The following DYNC2I2 variants were observed in gnomAD, a reference collection of about 807,000 sequenced individuals.
DYNC2I2 encodes the protein dynein 2 intermediate chain 2.
DYNC2I2 carries 39 observed loss-of-function variants against 52.0 expected under a neutral mutation model. The ratio of observed to expected loss-of-function variants is 0.75; its 90% CI spans 0.58 to 0.98. The LOEUF (loss-of-function observed/expected upper bound fraction) is 0.98. DYNC2I2 is among the 50% of genes least tolerant of loss of function. DYNC2I2 has a pLI of 0.00. For synonymous variants in DYNC2I2, 359 were observed against 321.1 expected, an observed-to-expected ratio of 1.12 and a Z score of -1.26; for missense variants, 743 against 728.4, an observed-to-expected ratio of 1.02 and a Z score of -0.23.
At chr9:128,656,077 G>A (rs1860816919) in intron 1 of DYNC2I2, among the ~76,000 whole-genome samples, 1 of 151,454 alleles carries the variant, frequency 6.6e-6, no homozygotes, top group Non-Finnish European at 1.5e-5. Flanking sequence ...CCAGCGTGGT[G>A]GCCCGCGCCT....
the DYNC2I2 span, among the ~76,000 whole-genome samples, chr9:128,668,068 C>T: frequency 6.7e-6 from 1 of 148,996 alleles, no homozygotes; most frequent in East Asian, 2.0e-4. Context: ...TCAAGCGATT[C>T]TCCTGCCTCA....
intron 5 of DYNC2I2, 35 bp downstream of exon 5, chr9:128,635,623 C>CA (rs759476200): frequency 6.4e-7 from 1 of 1,558,360 alleles, no homozygotes; most frequent in Admixed American, 1.9e-5. Flanking sequence ...AGCTCTGCCT[C>CA]AGGGCCCACC....
intron 1 of DYNC2I2, among the ~76,000 whole-genome samples, chr9:128,655,039 G>A (rs889457736): frequency 3.3e-5 from 5 of 151,888 alleles, no homozygotes; most frequent in Non-Finnish European, 7.4e-5. Flanking sequence ...CCCTTGAACC[G>A]CTCCTAGCAC....
Position 128,652,642 on chromosome 9 carries a change from G to A in DYNC2I2, c.186+3899C>T, listed in dbSNP as rs562339632. On this transcript the variant is annotated intron_variant, in intron 1 of 8. Transcript: ENST00000372715. ...CCGTCTCAAAAAAAAAAAAGAGGCCGGGCACAGTGGCTCACTCCTGTAATC... is the reference window on the plus strand; with the variant it reads ...CCGTCTCAAAAAAAAAAAAGAGGCCAGGCACAGTGGCTCACTCCTGTAATC... Among the ~76,000 whole-genome samples, 56 of 143,550 alleles carry A rather than the reference G, an allele frequency of 3.9e-4. 1 individual carries two copies. The highest frequency in any genetic ancestry group is 7.2e-4 in the Non-Finnish European group (48 of 66,358). 94.2% of individuals were successfully genotyped at this position (143,550 alleles called of 152,430 possible). A position where few individuals can be genotyped will look rare whatever the true frequency, so the allele number is the denominator to read the frequency against.
At chr9:128,674,869 C>T in the DYNC2I2 span, among the ~76,000 whole-genome samples, 77 of 152,264 alleles carry the variant, frequency 5.1e-4, no homozygotes, top group African/African-American at 1.3e-3. Context: ...TGAGCCACCA[C>T]GCCCAGCCAA....
chr9:128,668,281 A>G, the DYNC2I2 span, among the ~76,000 whole-genome samples: 2 of 135,516 alleles, frequency 1.5e-5, no homozygotes, highest in Non-Finnish European at 3.4e-5. Context: ...TTGACCTTGT[A>G]ATCTGCCCGC....
At chr9:128,640,003 G>A (rs930963402) in intron 2 of DYNC2I2, among the ~76,000 whole-genome samples, 3 of 61,966 alleles carry the variant, frequency 4.8e-5, no homozygotes, top group Admixed American at 2.2e-4. Context: ...AGATACCACA[G>A]GAGACATTCT....
At chr9:128,645,842 A>T (rs915973755) in intron 1 of DYNC2I2, among the ~76,000 whole-genome samples, 1 of 152,216 alleles carries the variant, frequency 6.6e-6, no homozygotes, top group Admixed American at 6.5e-5. Flanking sequence ...AAGGAAATTA[A>T]AAGTGCTACT....
chr9:128,649,036 C>T (rs749245315), intron 1 of DYNC2I2, among the ~76,000 whole-genome samples: 18 of 152,128 alleles, frequency 1.2e-4, no homozygotes, highest in Non-Finnish European at 2.2e-4. Flanking sequence ...AGCTAAATCA[C>T]GGGAGACAGA....
the DYNC2I2 span, among the ~76,000 whole-genome samples, chr9:128,668,052 C>T: frequency 1.4e-5 from 2 of 143,994 alleles, no homozygotes; most frequent in Non-Finnish European, 3.0e-5. Context: ...CTTCTGCCTC[C>T]CAGGTTCAAG....
chr9:128,636,477 T>C (rs1168580654), intron 3 of DYNC2I2, 39 bp from the exon 4 acceptor site: 1 of 1,564,246 alleles, frequency 6.4e-7, no homozygotes, highest in Admixed American at 1.8e-5. Context: ...TGCCCCTGGG[T>C]GGGGCTCCTA....
At chr9:128,656,222 CA>C (rs909486147) in intron 1 of DYNC2I2, among the ~76,000 whole-genome samples, 1 of 151,364 alleles carries the variant, frequency 6.6e-6, no homozygotes, top group Non-Finnish European at 1.5e-5. Flanking sequence ...AAAAAAAACA[CA>C]AAACAAAACC....
At position 128,634,699 on chromosome 9, in the gene DYNC2I2, G is replaced by A; in HGVS notation, c.1204C>T (p.Pro402Ser). 6.4e-7 allele frequency: 1 copy of A among 1,568,614 alleles called. No homozygotes were observed. The highest frequency in any genetic ancestry group is 8.6e-7 in the Non-Finnish European group (1 of 1,156,380). Residue 402 changes from proline (P) to serine (S), a missense_variant, in exon 7 of 9, where the codon CCC (proline) becomes TCC (serine). Physicochemically the swap from Pro to Ser is moderately conservative, Grantham distance 74. Transcript: ENST00000372715. ...GGPIYSVSCSPFHRNLFLSAG... is the reference protein window; with the variant it reads ...GGPIYSVSCSSFHRNLFLSAG... Reference sequence around the variant, plus strand: ...GCCTGCCCTACGTACCTGTGGAAGGGGGAACAGCTCACAGAGTAGATGGGA... The same window carrying A: ...GCCTGCCCTACGTACCTGTGGAAGGAGGAACAGCTCACAGAGTAGATGGGA...
intron 1 of DYNC2I2, among the ~76,000 whole-genome samples, 183 bp downstream of exon 1, chr9:128,656,358 G>A (rs1860824053): frequency 6.6e-6 from 1 of 151,970 alleles, no homozygotes; most frequent in Non-Finnish European, 1.5e-5. Context: ...AGTATCCTCT[G>A]GGTCAGTTTC....
At chr9:128,656,489 T>C in intron 1 of DYNC2I2, 52 bp downstream of exon 1, 1 of 1,221,670 alleles carries the variant, frequency 8.2e-7, no homozygotes, top group Non-Finnish European at 1.0e-6. Context: ...GCAGCCGCGC[T>C]GCGACCCCGC....
intron 8 of DYNC2I2, 74 bp from the exon 9 acceptor site, chr9:128,634,056 C>A: frequency 6.3e-7 from 1 of 1,578,444 alleles, no homozygotes; most frequent in East Asian, 2.2e-5. Flanking sequence ...AGGCTAATGC[C>A]CGGGTTCAAT....
chr9:128,682,124 C>T, the DYNC2I2 span, among the ~76,000 whole-genome samples: 19 of 151,556 alleles, frequency 1.3e-4, no homozygotes, highest in African/African-American at 4.6e-4. Flanking sequence ...TCTCCACTCA[C>T]TGCGATCTCC....
At chr9:128,673,654 A>G in the DYNC2I2 span, among the ~76,000 whole-genome samples, 5 of 151,334 alleles carry the variant, frequency 3.3e-5, no homozygotes, top group Non-Finnish European at 7.4e-5. Context: ...TACAGGCACC[A>G]GCCACCAAGC....
chr9:128,675,720 G>A, the DYNC2I2 span, among the ~76,000 whole-genome samples: 28 of 152,160 alleles, frequency 1.8e-4, no homozygotes, highest in Admixed American at 1.8e-3. Flanking sequence ...TGGCCTTGGG[G>A]TTATGGAACA....
Sources: allele counts gnomAD v4.1 joint callset (sites outside exome capture counted in the v4.1 genomes callset), GRCh38; gene constraint gnomAD v4.1.1; transcripts MANE v1.5; gene names NCBI Gene and HGNC (gene_info 2026-07-23, HGNC 2026-07-21).